WDR70: variants seen among roughly 807,000 people sequenced by gnomAD.
WDR70 encodes WD repeat domain 70, also known as WD repeat-containing protein 70.
In WDR70, 53 loss-of-function variants were observed where a neutral mutation model predicts 88.6. That is an observed-to-expected ratio of 0.60 (90% confidence interval 0.48 to 0.75). WDR70 has a LOEUF of 0.75. Among genes scored for constraint, WDR70 ranks in the 30% least tolerant of loss-of-function variants. WDR70 has a pLI of 0.00. For synonymous variants in WDR70, 280 were observed against 270.0 expected, an observed-to-expected ratio of 1.04 and a Z score of -0.36; for missense variants, 610 against 823.2, an observed-to-expected ratio of 0.74 and a Z score of 3.17.
At chr5:37,603,479 A>C (rs1365327021) in intron 9 of WDR70, among the ~76,000 whole-genome samples, 1 of 152,238 alleles carries the variant, frequency 6.6e-6, no homozygotes, top group Non-Finnish European at 1.5e-5. Flanking sequence ...TAAAGACTTA[A>C]ATGTAAGACC....
At chr5:37,546,020 A>G (rs1252471037) in intron 9 of WDR70, among the ~76,000 whole-genome samples, 3 of 152,162 alleles carry the variant, frequency 2.0e-5, no homozygotes, top group Non-Finnish European at 4.4e-5. Flanking sequence ...TATTACTGTG[A>G]TTTTTATTTT....
At chr5:37,500,374 T>C (rs1393896058) in intron 8 of WDR70, among the ~76,000 whole-genome samples, 4 of 152,044 alleles carry the variant, frequency 2.6e-5, no homozygotes, top group African/African-American at 9.6e-5. Flanking sequence ...ACCTTTGCAA[T>C]TGTGAACTGT....
At chr5:37,417,844 A>G (rs1691780882) in intron 5 of WDR70, among the ~76,000 whole-genome samples, 2 of 152,220 alleles carry the variant, frequency 1.3e-5, no homozygotes, top group African/African-American at 4.8e-5. Flanking sequence ...ACTGCGCCCA[A>G]TACAAGTTAT....
intron 9 of WDR70, among the ~76,000 whole-genome samples, chr5:37,598,846 C>T (rs1743777199): frequency 6.6e-6 from 1 of 152,188 alleles, no homozygotes; most frequent in South Asian, 2.1e-4. Context: ...TCTGCCTGGG[C>T]CTTTCTGGAC....
intron 7 of WDR70, among the ~76,000 whole-genome samples, chr5:37,457,253 G>T (rs1390753874): frequency 6.6e-6 from 1 of 152,122 alleles, no homozygotes; most frequent in African/African-American, 2.4e-5. Flanking sequence ...GCACCACCAT[G>T]CCTGGCTAAT....
At chr5:37,642,989 C>T (rs552269611) in intron 10 of WDR70, among the ~76,000 whole-genome samples, 1 of 151,906 alleles carries the variant, frequency 6.6e-6, no homozygotes, top group African/African-American at 2.4e-5. Flanking sequence ...AGATTTTTAC[C>T]TTCATAAGAT....
chr5:37,411,189 T>C (rs1033666349), intron 5 of WDR70, among the ~76,000 whole-genome samples: 4 of 152,212 alleles, frequency 2.6e-5, no homozygotes, highest in Admixed American at 6.5e-5. Flanking sequence ...TCAAAACTCC[T>C]GGCCTCAAGC....
intron 5 of WDR70, among the ~76,000 whole-genome samples, chr5:37,415,124 C>G (rs371252286): frequency 4.7e-5 from 7 of 150,354 alleles, no homozygotes; most frequent in African/African-American, 1.7e-4. Flanking sequence ...AACAGGATCC[C>G]AAGGCAGAAG....
chr5:37,523,040 C>T lies in WDR70; in HGVS notation c.917+6450C>T, dbSNP rs554731949. The stretch of plus-strand genomic sequence containing the variant: ...AAGGAGGCCTGCCTGCCTCTGTAGA[C>T]TCCACCTCTGGGGGCAGGGCATACC... On this transcript the variant is annotated intron_variant, in intron 9 of 17. Transcript: ENST00000265107. 1.1e-3 allele frequency among the ~76,000 whole-genome samples: 175 copies of T among 152,362 alleles called. 1 individual carries two copies. Among genetic ancestry groups the T allele is most frequent in the African/African-American group, 4.1e-3 (169 of 41,588 alleles).
intron 8 of WDR70, chr5:37,506,232 A>C: frequency 2.1e-6 from 2 of 945,358 alleles, no homozygotes; most frequent in Non-Finnish European, 3.5e-6. Context: ...AGTTGCTATC[A>C]AAAATCGGAC....
intron 10 of WDR70, among the ~76,000 whole-genome samples, chr5:37,614,229 A>T (rs1744268357): frequency 6.6e-6 from 1 of 152,022 alleles, no homozygotes. Flanking sequence ...CTCCTGGCAC[A>T]CTTCCTTCAT....
chr5:37,687,757 A>G (rs1465482869), intron 10 of WDR70, among the ~76,000 whole-genome samples: 1 of 149,482 alleles, frequency 6.7e-6, no homozygotes, highest in South Asian at 2.1e-4. Context: ...TTTTTTTTTA[A>G]TTTCAGAAAC....
chr5:37,445,477 A>G (rs1738434311), intron 7 of WDR70, among the ~76,000 whole-genome samples: 1 of 151,720 alleles, frequency 6.6e-6, no homozygotes, highest in African/African-American at 2.4e-5. Context: ...TTTTCCATTG[A>G]TGTTCATTAG....
intron 10 of WDR70, among the ~76,000 whole-genome samples, chr5:37,610,686 A>G (rs1173510464): frequency 7.2e-5 from 11 of 152,190 alleles, no homozygotes; most frequent in Non-Finnish European, 1.3e-4. Flanking sequence ...TAAAAAATTC[A>G]GGGAATGATC....
intron 13 of WDR70, among the ~76,000 whole-genome samples, chr5:37,710,141 G>A (rs1258462246): frequency 6.6e-6 from 1 of 151,996 alleles, no homozygotes; most frequent in Non-Finnish European, 1.5e-5. Context: ...ATCTTAACAT[G>A]TTTTTAGTTA....
At chr5:37,746,645 G>A (rs2972942) in intron 17 of WDR70, among the ~76,000 whole-genome samples, 133,217 of 152,248 alleles carry the variant, frequency 0.88, 58,928 homozygotes, top group East Asian at 0.93. Flanking sequence ...GAACACCTCT[G>A]AGCAAATAAA....
chr5:37,667,989 G>C (rs1195802912), intron 10 of WDR70, among the ~76,000 whole-genome samples: 2 of 151,966 alleles, frequency 1.3e-5, no homozygotes, highest in Middle Eastern at 3.2e-3. Context: ...TCAAGACAAG[G>C]CCATGGTGTG....
chr5:37,461,458 T>G (rs931313519), intron 7 of WDR70, among the ~76,000 whole-genome samples: 1 of 151,902 alleles, frequency 6.6e-6, no homozygotes, highest in Non-Finnish European at 1.5e-5. Flanking sequence ...CTCCTCTATG[T>G]GATGGATGCT....
At chr5:37,480,134 G>A in intron 8 of WDR70, 147 bp downstream of exon 8, 2 of 1,059,176 alleles carry the variant, frequency 1.9e-6, no homozygotes, top group South Asian at 1.7e-5. Context: ...TGGATTGATT[G>A]GGTGGTTCTG....
Sources: gnomAD v4.1 joint callset for allele counts (sites outside exome capture counted in the v4.1 genomes callset) on GRCh38, gnomAD v4.1.1 for gene constraint, MANE v1.5 for transcripts, NCBI Gene and HGNC (gene_info 2026-07-23, HGNC 2026-07-21) for gene names.